ANKFN1: variants seen among roughly 807,000 people sequenced by gnomAD.
The protein encoded by ANKFN1 is ankyrin repeat and fibronectin type III domain containing 1.
In ANKFN1, 74 loss-of-function variants were observed where a neutral mutation model predicts 108.7. The ratio of observed to expected loss-of-function variants is 0.68; its 90% CI spans 0.56 to 0.83. The LOEUF (loss-of-function observed/expected upper bound fraction) is 0.83. Ranked by LOEUF, ANKFN1 falls within the 40% of genes least tolerant of loss-of-function variation. The probability of loss-of-function intolerance (pLI) is 0.00; values close to 1 mark genes in which losing one functional copy is unlikely to be tolerated. For synonymous variants in ANKFN1, 547 were observed against 516.2 expected, an observed-to-expected ratio of 1.06 and a Z score of -0.81; for missense variants, 1,505 against 1,382.3, an observed-to-expected ratio of 1.09 and a Z score of -1.41.
intron 8 of ANKFN1, among the ~76,000 whole-genome samples, chr17:56,401,421 GTATTA>G (rs1336564388): frequency 1.3e-5 from 2 of 151,154 alleles, no homozygotes; most frequent in East Asian, 1.9e-4. Flanking sequence ...GTACTGTATT[GTATTA>G]TATTGTATAT....
chr17:56,378,698 G>A (rs1366618073), intron 8 of ANKFN1, among the ~76,000 whole-genome samples: 1 of 152,188 alleles, frequency 6.6e-6, no homozygotes, highest in Admixed American at 6.5e-5. Flanking sequence ...AGAGCAACGA[G>A]GAGGAGCAGG....
intron 20 of ANKFN1, among the ~76,000 whole-genome samples, chr17:56,507,240 A>G (rs1258473231): frequency 2.0e-5 from 3 of 152,238 alleles, no homozygotes; most frequent in African/African-American, 4.8e-5. Flanking sequence ...GCAGTGTCCT[A>G]ATTTTCCCAC....
chr17:56,440,618 T>G (rs1383757082), intron 9 of ANKFN1, among the ~76,000 whole-genome samples, 194 bp downstream of exon 9: 1 of 152,178 alleles, frequency 6.6e-6, no homozygotes, highest in African/African-American at 2.4e-5. Context: ...TGAATCACTT[T>G]ATAAACTGTC....
intron 8 of ANKFN1, among the ~76,000 whole-genome samples, chr17:56,430,525 C>CACAT (rs1238177592): frequency 6.6e-6 from 1 of 151,558 alleles, no homozygotes; most frequent in East Asian, 1.9e-4. Context: ...CACACACACA[C>CACAT]ACACACACAC....
At chr17:56,179,709 T>C (rs1911506255) in intron 1 of ANKFN1, among the ~76,000 whole-genome samples, 1 of 152,170 alleles carries the variant, frequency 6.6e-6, no homozygotes, top group South Asian at 2.1e-4. Flanking sequence ...CAAATCTTGG[T>C]TGCTTCATCT....
chr17:56,251,598 C>T (rs889556011), intron 3 of ANKFN1, among the ~76,000 whole-genome samples: 1 of 152,048 alleles, frequency 6.6e-6, no homozygotes, highest in Non-Finnish European at 1.5e-5. Context: ...AAGGTTTGTC[C>T]CCATTGTCCA....
intron 3 of ANKFN1, among the ~76,000 whole-genome samples, chr17:56,288,392 T>A (rs1444913642): frequency 6.6e-6 from 1 of 152,160 alleles, no homozygotes; most frequent in African/African-American, 2.4e-5. Flanking sequence ...CAATATATCT[T>A]GAGAACTTCC....
intron 4 of ANKFN1, among the ~76,000 whole-genome samples, chr17:56,083,782 T>G (rs1905276335): frequency 6.6e-6 from 1 of 151,370 alleles, no homozygotes; most frequent in Non-Finnish European, 1.5e-5. Context: ...CAAGCTCAAA[T>G]TTTTATGAGA....
chr17:56,462,368 G>A (rs565983294), intron 14 of ANKFN1, among the ~76,000 whole-genome samples: 1 of 152,206 alleles, frequency 6.6e-6, no homozygotes, highest in African/African-American at 2.4e-5. Context: ...GCCAAGGCGG[G>A]CAGATCACCT....
chr17:56,093,718 T>C (rs1483687635), intron 4 of ANKFN1, among the ~76,000 whole-genome samples: 1 of 151,368 alleles, frequency 6.6e-6, no homozygotes, highest in Non-Finnish European at 1.5e-5. Flanking sequence ...CCGTATTTAT[T>C]GTAGTATTTG....
intron 3 of ANKFN1, among the ~76,000 whole-genome samples, chr17:56,313,238 T>C (rs1035641889): frequency 6.6e-6 from 1 of 151,526 alleles, no homozygotes; most frequent in African/African-American, 2.4e-5. Flanking sequence ...GAGGAAATGA[T>C]ATTTAAGCCA....
At chr17:56,105,719 G>C (rs1386243527) in intron 4 of ANKFN1, among the ~76,000 whole-genome samples, 5 of 150,952 alleles carry the variant, frequency 3.3e-5, no homozygotes, top group African/African-American at 7.3e-5. Context: ...GTCTGTGTGT[G>C]TGTGTGTGTG....
intron 1 of ANKFN1, among the ~76,000 whole-genome samples, chr17:56,157,037 A>C (rs1010585858): frequency 6.6e-6 from 1 of 152,218 alleles, no homozygotes; most frequent in South Asian, 2.1e-4. Flanking sequence ...CCAAATAGGA[A>C]AGGCTGGCCT....
intron 15 of ANKFN1, among the ~76,000 whole-genome samples, chr17:56,469,399 TAGGTCTTGGTGG>T (rs1179970782): frequency 2.0e-5 from 3 of 152,096 alleles, no homozygotes; most frequent in African/African-American, 7.2e-5. Context: ...AAGGGAGAGA[TAGGTCTTGGTGG>T]TACCCAAAGC....
intron 11 of ANKFN1, among the ~76,000 whole-genome samples, chr17:56,453,084 T>G (rs1056673619): frequency 6.6e-6 from 1 of 152,194 alleles, no homozygotes; most frequent in Admixed American, 6.5e-5. Flanking sequence ...AGATAACCTC[T>G]TAACCTTTAG....
At chr17:56,397,682 G>A (rs2047626921) in intron 8 of ANKFN1, among the ~76,000 whole-genome samples, 1 of 152,208 alleles carries the variant, frequency 6.6e-6, no homozygotes, top group African/African-American at 2.4e-5. Context: ...AATCCCCTGT[G>A]AGCCCATGAC....
intron 4 of ANKFN1, among the ~76,000 whole-genome samples, chr17:56,329,285 G>A (rs1163041663): frequency 6.6e-6 from 1 of 151,968 alleles, no homozygotes; most frequent in African/African-American, 2.4e-5. Flanking sequence ...AAACTTCATG[G>A]GGGCCCTCAC....
chr17:56,113,657 G>C (rs1431319), intron 4 of ANKFN1, among the ~76,000 whole-genome samples: 79,886 of 152,036 alleles, frequency 0.53, 21,341 homozygotes, highest in East Asian at 0.81. Context: ...CAGTGCATGT[G>C]TAATCTTTGG....
chr17:56,222,715 A>G (rs1296474747), intron 2 of ANKFN1, among the ~76,000 whole-genome samples: 2 of 152,218 alleles, frequency 1.3e-5, no homozygotes, highest in African/African-American at 4.8e-5. Flanking sequence ...AATGGAAGTT[A>G]TGCATGCTAA....
Sources: allele counts gnomAD v4.1 joint callset (sites outside exome capture counted in the v4.1 genomes callset), GRCh38; gene constraint gnomAD v4.1.1; transcripts MANE v1.5; gene names NCBI Gene and HGNC (gene_info 2026-07-23, HGNC 2026-07-21).